The following IL23R variants were observed in gnomAD, a reference collection of about 807,000 sequenced individuals.
The protein encoded by IL23R is interleukin-23 receptor.
IL23R carries 34 observed loss-of-function variants against 56.9 expected under a neutral mutation model. That is an observed-to-expected ratio of 0.60 (90% confidence interval 0.45 to 0.80). The LOEUF is 0.80. Among genes scored for constraint, IL23R ranks in the 30% least tolerant of loss-of-function variants. The probability of loss-of-function intolerance (pLI) is 0.00; values close to 1 mark genes in which losing one functional copy is unlikely to be tolerated. For missense variants in IL23R, 635 were observed against 730.0 expected (o/e 0.87, Z 1.50); for synonymous variants, 230 against 249.2 (o/e 0.92, Z 0.73).
chr1:67,200,101 G>C (rs894742663), intron 4 of IL23R, among the ~76,000 whole-genome samples: 9 of 152,156 alleles, frequency 5.9e-5, no homozygotes, highest in African/African-American at 2.2e-4. Context: ...GTGCAGTGGT[G>C]TGATCTCGGC....
chr1:67,148,398 T>A (rs1646701007), intron 1 of IL23R, among the ~76,000 whole-genome samples: 1 of 152,266 alleles, frequency 6.6e-6, no homozygotes, highest in African/African-American at 2.4e-5. Flanking sequence ...TGGGTTTATA[T>A]CCCAATCATT....
chr1:67,155,096 A>G (rs1409845254), intron 1 of IL23R, among the ~76,000 whole-genome samples: 6 of 152,170 alleles, frequency 3.9e-5, no homozygotes. Context: ...ATTCTTTTCT[A>G]TAAGAATGTT....
chr1:67,169,581 G>A lies in IL23R; in HGVS notation c.310G>A (p.Glu104Lys). The A allele has an allele frequency of 6.2e-7, 1 of 1,614,106 alleles. No individual in the cohort carries two copies. The highest frequency in any genetic ancestry group is 8.5e-7 in the Non-Finnish European group (1 of 1,179,952). The change falls in exon 3 of 11, where the codon GAA becomes AAA. Residue 104 changes from glutamate to lysine, a missense_variant. Coordinates refer to ENST00000347310, the MANE Select transcript of IL23R (RefSeq NM_144701.3). Reference sequence around the variant, plus strand: ...ACATGCTTCTATGTACTGCACTGCTGAATGTCCCAAACATTTTCAAGAGAC... The same window carrying A: ...ACATGCTTCTATGTACTGCACTGCTAAATGTCCCAAACATTTTCAAGAGAC... ...EPHASMYCTA[E>K]CPKHFQETLI...
chr1:67,196,363 T>TAAAAAAAAATTATTTTAA (rs1648154781), intron 4 of IL23R: 1 of 151,474 alleles, frequency 6.6e-6, no homozygotes, highest in Admixed American at 6.6e-5. Context: ...CTGCATCTCT[T>TAAAAAAAAATTATTTTAA]AAAAAAAAAT....
intron 1 of IL23R, among the ~76,000 whole-genome samples, chr1:67,154,637 T>C (rs1333802701): frequency 6.6e-6 from 1 of 152,194 alleles, no homozygotes; most frequent in Non-Finnish European, 1.5e-5. Flanking sequence ...GCTTTCCGTT[T>C]GCTTGGTAAA....
Position 67,200,835 on chromosome 1 carries a change from A to C in IL23R, c.590A>C (p.Gln197Pro), listed in dbSNP as rs1648576846. Residue 197 changes from glutamine (Q) to proline (P), a missense_variant, in exon 5 of 11, where the codon CAA becomes CCA. Coordinates refer to ENST00000347310, the MANE Select transcript of IL23R (RefSeq NM_144701.3). ...QGGKKYLVWV[Q>P]AANALGMEES... ...GGCAAGAAGTACTTGGTTTGGGTCC[A>C]AGCAGCAAACGCACTAGGCATGGAA... is the stretch of plus-strand genomic sequence containing the variant. The C allele has an allele frequency of 6.2e-7, 1 of 1,614,084 alleles. No homozygotes were observed. Among genetic ancestry groups the C allele is most frequent in the African/African-American group, 1.3e-5 (1 of 74,930 alleles).
At chr1:67,222,454 G>A (rs528306737) in intron 7 of IL23R, among the ~76,000 whole-genome samples, 1 of 152,140 alleles carries the variant, frequency 6.6e-6, no homozygotes, top group South Asian at 2.1e-4. Context: ...TTTTTTAAAA[G>A]TTAGTTTTTA....
intron 9 of IL23R, among the ~76,000 whole-genome samples, chr1:67,252,981 C>T (rs540393631): frequency 6.6e-6 from 1 of 152,260 alleles, no homozygotes; most frequent in East Asian, 1.9e-4. Context: ...CTGTTACAGG[C>T]ACATACTCCT....
In IL23R at chr1:67,249,206, A is replaced by T. The variant is rs561595520; in HGVS notation, c.1149-6631A>T. On this transcript the variant is annotated intron_variant, in intron 9 of 10. Coordinates refer to ENST00000347310, the MANE Select transcript of IL23R (RefSeq NM_144701.3). Reference sequence around the variant, plus strand: ...TTGGTATTTAATTAATTTTTGTTCTACTTTGGTTAGCAGTCTTATAAACCA... The same window carrying T: ...TTGGTATTTAATTAATTTTTGTTCTTCTTTGGTTAGCAGTCTTATAAACCA... 5.4e-4 allele frequency among the ~76,000 whole-genome samples: 82 copies of T among 152,232 alleles called. No individual in the cohort carries two copies. In the South Asian group the frequency reaches 0.015, roughly 29 times the overall value.
chr1:67,195,766 G>A (rs1648101493), intron 4 of IL23R, among the ~76,000 whole-genome samples: 1 of 152,158 alleles, frequency 6.6e-6, no homozygotes, highest in East Asian at 1.9e-4. Context: ...TGCTGAGGTT[G>A]TCTTGTTCTG....
At chr1:67,187,205 A>G (rs912560025) in intron 4 of IL23R, among the ~76,000 whole-genome samples, 1 of 152,192 alleles carries the variant, frequency 6.6e-6, no homozygotes, top group Non-Finnish European at 1.5e-5. Flanking sequence ...ACAACAGTGT[A>G]TAAGGGTTCC....
chr1:67,237,507 T>TA (rs1651562427), intron 8 of IL23R, among the ~76,000 whole-genome samples: 1 of 152,136 alleles, frequency 6.6e-6, no homozygotes, highest in Non-Finnish European at 1.5e-5. Context: ...AACTGAAACT[T>TA]AGAGTAGTTG....
At chr1:67,165,350 G>GTC (rs1291254746), upstream of IL23R, among the ~76,000 whole-genome samples, 2 of 152,196 alleles carry the variant, frequency 1.3e-5, no homozygotes, top group Non-Finnish European at 2.9e-5. Flanking sequence ...CTTGTACACT[G>GTC]CTGTTAGGAA....
At chr1:67,207,613 T>G (rs1365801489) in intron 6 of IL23R, 1 of 392,520 alleles carries the variant, frequency 2.5e-6, no homozygotes, top group Non-Finnish European at 5.0e-6. Flanking sequence ...CTTTTGCTTC[T>G]TCCTCATTTT....
chr1:67,173,344 C>A (rs1182740161), intron 3 of IL23R, among the ~76,000 whole-genome samples: 1 of 152,092 alleles, frequency 6.6e-6, no homozygotes, highest in Admixed American at 6.6e-5. Flanking sequence ...ACATTTGTAA[C>A]CCCAAGAATT....
Position 67,200,816 on chromosome 1 carries a change from A to C in IL23R, c.571A>C (p.Lys191Gln), listed in dbSNP as rs1383129366. 6.2e-7 allele frequency: 1 copy of C among 1,614,020 alleles called. No homozygotes were observed. The highest frequency in any genetic ancestry group is 1.7e-5 in the Admixed American group (1 of 59,986). The change falls in exon 5 of 11, where the codon AAG becomes CAG. Residue 191 changes from lysine to glutamine, a missense_variant. Physicochemically the swap from Lys to Gln is moderately conservative, Grantham distance 53. Coordinates refer to ENST00000347310, the MANE Select transcript of IL23R (RefSeq NM_144701.3). The stretch of plus-strand genomic sequence containing the variant: ...CACTGATTCATTACAAGGTGGCAAG[A>C]AGTACTTGGTTTGGGTCCAAGCAGC... ...ISTDSLQGGK[K>Q]YLVWVQAANA...
intron 7 of IL23R, among the ~76,000 whole-genome samples, chr1:67,233,716 A>T (rs1651262199): frequency 6.6e-6 from 1 of 152,098 alleles, no homozygotes; most frequent in Non-Finnish European, 1.5e-5. Flanking sequence ...AATTAAAGAT[A>T]ATTTGGATTT....
At chr1:67,205,915 CTTTCTTTCTTTT>C (rs747832398) in intron 5 of IL23R, among the ~76,000 whole-genome samples, 1 of 123,134 alleles carries the variant, frequency 8.1e-6, no homozygotes, top group Non-Finnish European at 1.8e-5. Context: ...TTCTTTCTTT[CTTTCTTTCTTTT>C]TCTTTCTTTC....
At chr1:67,185,373 T>C (rs1647267641) in intron 4 of IL23R, among the ~76,000 whole-genome samples, 1 of 152,226 alleles carries the variant, frequency 6.6e-6, no homozygotes, top group Non-Finnish European at 1.5e-5. Flanking sequence ...CTCATCATTA[T>C]GGAAGGGAAT....
Sources: gnomAD v4.1 joint callset for allele counts (sites outside exome capture counted in the v4.1 genomes callset) on GRCh38, gnomAD v4.1.1 for gene constraint, MANE v1.5 for transcripts, NCBI Gene and HGNC (gene_info 2026-07-23, HGNC 2026-07-21) for gene names.